The following GNAQ variants were observed in gnomAD, a reference collection of about 807,000 sequenced individuals.
GNAQ encodes guanine nucleotide-binding protein G(q) subunit alpha.
GNAQ carries 8 observed loss-of-function variants against 43.9 expected under a neutral mutation model. The ratio of observed to expected loss-of-function variants is 0.18; its 90% CI spans 0.11 to 0.33. The LOEUF is 0.33. GNAQ is among the 10% of genes least tolerant of loss of function. GNAQ has a pLI of 1.00. For missense variants in GNAQ, 158 were observed against 450.8 expected (o/e 0.35, Z 5.88); for synonymous variants, 155 against 170.7 (o/e 0.91, Z 0.71).
intron 2 of GNAQ, among the ~76,000 whole-genome samples, chr9:77,901,887 C>T (rs1828622399): frequency 6.6e-6 from 1 of 152,206 alleles, no homozygotes; most frequent in Non-Finnish European, 1.5e-5. Flanking sequence ...TTGATGGCAG[C>T]TTCTTGCTGT....
intron 1 of GNAQ, among the ~76,000 whole-genome samples, chr9:77,979,810 CT>C: frequency 6.6e-6 from 1 of 152,280 alleles, no homozygotes; most frequent in South Asian, 2.1e-4. Context: ...TTTGTTCCCC[CT>C]ATGTGTAGGT....
chr9:77,838,405 G>A (rs2117865072), intron 2 of GNAQ, among the ~76,000 whole-genome samples: 1 of 150,594 alleles, frequency 6.6e-6, no homozygotes, highest in East Asian at 2.0e-4. Flanking sequence ...GCCTCCCAAA[G>A]TGCTGGGATT....
intron 3 of GNAQ, among the ~76,000 whole-genome samples, chr9:77,805,552 G>C (rs1187847173): frequency 6.6e-6 from 1 of 151,882 alleles, no homozygotes; most frequent in Non-Finnish European, 1.5e-5. Context: ...TTACATGCGC[G>C]CAGCACCAGG....
chr9:77,762,151 G>A (rs1364314578), intron 5 of GNAQ, among the ~76,000 whole-genome samples: 24 of 117,056 alleles, frequency 2.1e-4, no homozygotes, highest in Non-Finnish European at 3.2e-4. Context: ...CCGGCCAGCC[G>A]CCCCGTCCGG....
intron 1 of GNAQ, among the ~76,000 whole-genome samples, chr9:77,935,157 C>T (rs1303269996): frequency 6.6e-6 from 1 of 152,098 alleles, no homozygotes; most frequent in East Asian, 1.9e-4. Flanking sequence ...CAAAGAAATA[C>T]TTCCCTTTTC....
rs921695938 is a variant in GNAQ at position 77,815,880 on chromosome 9, TCTTTACACTG to T, written c.322-120_322-111del. 4.5e-6 allele frequency: 3 copies of T among 662,192 alleles called. No individual in the cohort carries two copies. In the African/African-American group the frequency reaches 5.5e-5, roughly 12 times the overall value. 41.0% of individuals were successfully genotyped at this position (662,192 alleles called of 1,614,324 possible). ...GGTAACACCTTCCTTCATATACTGG[TCTTTACACTG>T]GTTTACAATAAAGTCATGTTTCATA... On this transcript the variant is annotated intron_variant, in intron 2 of 6. Transcript: ENST00000286548.
chr9:77,969,906 G>A (rs1035069290), intron 1 of GNAQ, among the ~76,000 whole-genome samples: 2 of 152,128 alleles, frequency 1.3e-5, no homozygotes, highest in Non-Finnish European at 2.9e-5. Context: ...TTCTTCATGA[G>A]CAACTTCATG....
chr9:77,930,690 A>G (rs1192668144), intron 1 of GNAQ, among the ~76,000 whole-genome samples: 1 of 152,210 alleles, frequency 6.6e-6, no homozygotes, highest in Non-Finnish European at 1.5e-5. Context: ...TCTCAAAGTC[A>G]TTACATACTT....
At chr9:77,877,453 G>C (rs1828142327) in intron 2 of GNAQ, among the ~76,000 whole-genome samples, 2 of 152,126 alleles carry the variant, frequency 1.3e-5, no homozygotes, top group Non-Finnish European at 1.5e-5. Flanking sequence ...CTGAATTGCT[G>C]ACAGACAAGT....
At chr9:77,994,696 C>T (rs559626057) in intron 1 of GNAQ, among the ~76,000 whole-genome samples, 1 of 152,320 alleles carries the variant, frequency 6.6e-6, no homozygotes, top group African/African-American at 2.4e-5. Flanking sequence ...GCCTGAGTTA[C>T]TTCTATGTTT....
intron 2 of GNAQ, among the ~76,000 whole-genome samples, chr9:77,828,720 C>T (rs2118546437): frequency 6.6e-6 from 1 of 152,238 alleles, no homozygotes; most frequent in East Asian, 1.9e-4. Flanking sequence ...GAAATGTGAT[C>T]TAACAAGACT....
intron 5 of GNAQ, among the ~76,000 whole-genome samples, chr9:77,751,077 T>C (rs1825803878): frequency 6.6e-6 from 1 of 152,198 alleles, no homozygotes; most frequent in South Asian, 2.1e-4. Flanking sequence ...CTTTATAGAC[T>C]AAATAGCATC....
At chr9:77,780,353 A>T (rs1826375234) in intron 5 of GNAQ, among the ~76,000 whole-genome samples, 1 of 151,672 alleles carries the variant, frequency 6.6e-6, no homozygotes, top group Non-Finnish European at 1.5e-5. Flanking sequence ...ATATAAGCAT[A>T]TGCAGTGTTT....
At chr9:77,764,525 A>G (rs1414785909) in intron 5 of GNAQ, among the ~76,000 whole-genome samples, 4 of 150,726 alleles carry the variant, frequency 2.7e-5, no homozygotes, top group Non-Finnish European at 5.9e-5. Flanking sequence ...GCGCGATCTC[A>G]GCTCACTGCA....
intron 2 of GNAQ, among the ~76,000 whole-genome samples, chr9:77,877,820 A>G (rs1209771763): frequency 6.6e-6 from 1 of 152,176 alleles, no homozygotes; most frequent in African/African-American, 2.4e-5. Context: ...TTTCTCTGTT[A>G]CTGTAATTAT....
At chr9:77,836,006 C>T (rs1015062296) in intron 2 of GNAQ, among the ~76,000 whole-genome samples, 2 of 151,738 alleles carry the variant, frequency 1.3e-5, no homozygotes, top group African/African-American at 2.4e-5. Context: ...TTGAGAAAAA[C>T]GAAGAAGAAA....
intron 1 of GNAQ, among the ~76,000 whole-genome samples, chr9:77,977,638 A>G (rs1352565058): frequency 6.6e-6 from 1 of 152,216 alleles, no homozygotes; most frequent in Non-Finnish European, 1.5e-5. Context: ...TGGCCATGGC[A>G]TCCCAGAACA....
At chr9:77,832,749 G>A (rs1394245592) in intron 2 of GNAQ, among the ~76,000 whole-genome samples, 1 of 152,144 alleles carries the variant, frequency 6.6e-6, no homozygotes, top group Non-Finnish European at 1.5e-5. Context: ...CCTCGGAGAA[G>A]GAAGCTGGGT....
intron 2 of GNAQ, among the ~76,000 whole-genome samples, chr9:77,918,519 C>T (rs988343923): frequency 3.3e-5 from 5 of 152,122 alleles, no homozygotes; most frequent in East Asian, 3.9e-4. Flanking sequence ...CTAACCAAAA[C>T]ATAAAATATT....
Sources: gnomAD v4.1 joint callset for allele counts (sites outside exome capture counted in the v4.1 genomes callset) on GRCh38, gnomAD v4.1.1 for gene constraint, MANE v1.5 for transcripts, NCBI Gene and HGNC (gene_info 2026-07-23, HGNC 2026-07-21) for gene names.